The following STAB2 variants were observed in gnomAD, a reference collection of about 807,000 sequenced individuals.
The protein encoded by STAB2 is stabilin 2.
Under a neutral mutation model 338.1 loss-of-function variants are expected in STAB2, and 288 were observed. That is an observed-to-expected ratio of 0.85 (90% CI 0.77 to 0.94). STAB2 has a LOEUF of 0.94. Among genes scored for constraint, STAB2 ranks in the 40% least tolerant of loss-of-function variants. The pLI is 0.00. For missense variants in STAB2, 3,141 were observed against 3,210.1 expected, an observed-to-expected ratio of 0.98 and a Z score of 0.52; for synonymous variants, 1,202 against 1,193.3, an observed-to-expected ratio of 1.01 and a Z score of -0.15.
chr12:103,638,297 T>C, intron 8 of STAB2, 85 bp downstream of exon 8: 1 of 1,389,266 alleles, frequency 7.2e-7, no homozygotes, highest in Non-Finnish European at 9.8e-7. Flanking sequence ...TTCTATGCCA[T>C]CCCAATTCTC....
chr12:103,750,495 C>A, intron 59 of STAB2, 84 bp from the exon 60 acceptor site: 1 of 1,556,616 alleles, frequency 6.4e-7, no homozygotes. Flanking sequence ...ACCTCCTAGG[C>A]TGGACATTGG....
rs756556687 is a variant in STAB2 at position 103,688,172 on chromosome 12, T to G, written c.3002T>G (p.Leu1001Trp). ...CCCTTGCATGATATGAATAAGGAAT[T>G]GTCATTTCTCTCCGAAGCAGCTATA... The part of the protein sequence containing the change: ...FLCYGNAAVE[L>W]SFLSEAAIFN... Residue 1001 changes from leucine (L) to tryptophan (W), a missense_variant, in exon 28 of 69, where the codon TTG becomes TGG. Coordinates refer to ENST00000388887, the MANE Select transcript of STAB2 (RefSeq NM_017564.10). 6.8e-6 allele frequency: 11 copies of G among 1,613,746 alleles called. No homozygotes were observed. The Admixed American group carries it at 1.3e-4, about 20-fold the overall frequency.
chr12:103,753,469 G>C, intron 61 of STAB2, 116 bp downstream of exon 61: 1 of 1,409,520 alleles, frequency 7.1e-7, no homozygotes, highest in South Asian at 1.3e-5. Context: ...AGTGCAGGTA[G>C]CTCCTGGAAC....
At chr12:103,648,492 G>A (rs1485963114) in intron 9 of STAB2, among the ~76,000 whole-genome samples, 198 bp from the exon 10 acceptor site, 1 of 152,076 alleles carries the variant, frequency 6.6e-6, no homozygotes, top group African/African-American at 2.4e-5. Context: ...ATCTAGTGTT[G>A]ACAGATACAT....
At chr12:103,658,651 A>AGTGACTG (rs1874372174) in intron 15 of STAB2, among the ~76,000 whole-genome samples, 1 of 152,114 alleles carries the variant, frequency 6.6e-6, no homozygotes, top group Non-Finnish European at 1.5e-5. Context: ...AGAAGGTTAC[A>AGTGACTG]CACAAGCAGA....
At chr12:103,710,946 A>G (rs1226376559) in intron 39 of STAB2, among the ~76,000 whole-genome samples, 1 of 152,190 alleles carries the variant, frequency 6.6e-6, no homozygotes, top group Non-Finnish European at 1.5e-5. Context: ...GGAAATTTAC[A>G]TATTAATTCA....
At chr12:103,720,604 T>C (rs1018753981) in intron 44 of STAB2, among the ~76,000 whole-genome samples, 23 of 152,198 alleles carry the variant, frequency 1.5e-4, no homozygotes, top group African/African-American at 4.8e-4. Context: ...AGAAACAAAA[T>C]AGTCCTGGTG....
At chr12:103,749,503 T>C (rs1275996092) in intron 59 of STAB2, among the ~76,000 whole-genome samples, 1 of 151,944 alleles carries the variant, frequency 6.6e-6, no homozygotes, top group East Asian at 1.9e-4. Flanking sequence ...CCCTTCTATC[T>C]ATCTAAAATT....
chr12:103,602,991 A>G (rs955043054), intron 3 of STAB2, among the ~76,000 whole-genome samples: 6 of 151,886 alleles, frequency 4.0e-5, no homozygotes, highest in African/African-American at 1.5e-4. Context: ...TTTTTTCTAT[A>G]TTTTCTTCTC....
chr12:103,615,383 T>C (rs1957194216), intron 3 of STAB2, among the ~76,000 whole-genome samples: 1 of 152,158 alleles, frequency 6.6e-6, no homozygotes, highest in Admixed American at 6.5e-5. Context: ...CTTTAGACTA[T>C]ATGTAGGTCT....
chr12:103,684,916 G>C, intron 26 of STAB2, 73 bp from the exon 27 acceptor site: 1 of 1,455,268 alleles, frequency 6.9e-7, no homozygotes, highest in South Asian at 1.2e-5. Flanking sequence ...GATGGAGCCT[G>C]TCGTCTCATA....
At chr12:103,753,121 A>G (rs1883809684) in intron 60 of STAB2, 99 bp from the exon 61 acceptor site, 2 of 1,487,796 alleles carry the variant, frequency 1.3e-6, no homozygotes, top group East Asian at 2.3e-5. Context: ...ACCCTGGGGT[A>G]TAGCTGGCCT....
intron 2 of STAB2, among the ~76,000 whole-genome samples, chr12:103,593,411 C>T (rs1217354036): frequency 2.0e-5 from 3 of 152,022 alleles, no homozygotes; most frequent in Non-Finnish European, 4.4e-5. Flanking sequence ...TTTGCCTTTC[C>T]CTGGTGTTTA....
rs1877269272 is a variant in STAB2 at position 103,685,036 on chromosome 12, A to G, written c.2949A>G (p.Gln983=). ...CTGGTGTCTGGAGCTGTGTTTGTCAAGAGGGCTATGAAGGAGATGGCTTTC... is the reference window on the plus strand; with the variant it reads ...CTGGTGTCTGGAGCTGTGTTTGTCAGGAGGGCTATGAAGGAGATGGCTTTC... ...TSSGVWSCVC[Q]EGYEGDGFLC... is the part of the protein sequence containing the mutation. The change falls in exon 27 of 69, where the codon CAA becomes CAG. Residue 983 remains glutamine (Q), a synonymous_variant. Coordinates refer to ENST00000388887, the MANE Select transcript of STAB2 (RefSeq NM_017564.10). The G allele has an allele frequency of 6.2e-7, 1 of 1,614,056 alleles. No individual in the cohort carries two copies. The highest frequency in any genetic ancestry group is 8.5e-7 in the Non-Finnish European group (1 of 1,179,954).
In STAB2 at chr12:103,764,815, G is replaced by A. The variant is rs374080939; in HGVS notation, c.7605+1207G>A. ...TGGTTCACATTTCAAGGGTAAGTTC[G>A]GGCCGGGTGCAGTGGCTCATGCGTG... On this transcript the variant is annotated intron_variant, in intron 68 of 68. Coordinates refer to ENST00000388887, the MANE Select transcript of STAB2 (RefSeq NM_017564.10). 2.6e-4 allele frequency among the ~76,000 whole-genome samples: 39 copies of A among 151,972 alleles called. No individual in the cohort carries two copies. The East Asian group carries it at 2.9e-3, about 11-fold the overall frequency.
intron 60 of STAB2, among the ~76,000 whole-genome samples, chr12:103,752,882 A>C (rs570120093): frequency 6.6e-6 from 1 of 152,368 alleles, no homozygotes; most frequent in South Asian, 2.1e-4. Flanking sequence ...CAAATTAAAA[A>C]TTTACCAAAA....
At chr12:103,717,694 G>C in intron 43 of STAB2, 76 bp from the exon 44 acceptor site, 1 of 1,272,160 alleles carries the variant, frequency 7.9e-7, no homozygotes, top group Non-Finnish European at 1.1e-6. Context: ...ATGGAGTTCA[G>C]GTCTGAGAGC....
intron 52 of STAB2, among the ~76,000 whole-genome samples, 155 bp downstream of exon 52, chr12:103,735,735 G>A (rs887962166): frequency 2.0e-5 from 3 of 152,000 alleles, no homozygotes; most frequent in Non-Finnish European, 4.4e-5. Flanking sequence ...TATTTTTCCT[G>A]AGACTGCGTC....
In STAB2 at chr12:103,725,538, A is replaced by T. The variant is rs560912086; in HGVS notation, c.4803+444A>T. Among the ~76,000 whole-genome samples, 3 of 152,274 alleles carry T rather than the reference A, an allele frequency of 2.0e-5. No individual in the cohort carries two copies. The South Asian group carries it at 6.2e-4, about 32-fold the overall frequency. On this transcript the variant is annotated intron_variant, in intron 45 of 68. Transcript: ENST00000388887. ...CCATGGCGTGGATTGCAGTGTGTGC[A>T]TGTGTGCGTGTGCATGTGTGCGTGC...
Sources: gnomAD v4.1 joint callset for allele counts (sites outside exome capture counted in the v4.1 genomes callset) on GRCh38, gnomAD v4.1.1 for gene constraint, MANE v1.5 for transcripts, NCBI Gene and HGNC (gene_info 2026-07-23, HGNC 2026-07-21) for gene names.